Variants in ATPSCKMT observed in about 807,000 individuals in gnomAD.
The protein encoded by ATPSCKMT is ATP synthase subunit C lysine N-methyltransferase.
ATPSCKMT carries 24 observed loss-of-function variants against 24.3 expected under a neutral mutation model. The observed-to-expected ratio is 0.99, with a 90% CI of 0.71 to 1.39. The LOEUF (loss-of-function observed/expected upper bound fraction) is 1.39. ATPSCKMT is among the 40% of genes most tolerant of loss of function. The pLI, the probability that ATPSCKMT is intolerant of heterozygous loss-of-function variation, is 0.00. For missense variants in ATPSCKMT, 311 were observed against 298.4 expected (o/e 1.04, Z -0.31); for synonymous variants, 95 against 110.5 (o/e 0.86, Z 0.88).
At position 10,232,463 on chromosome 5, in the gene ATPSCKMT, C is replaced by G. The variant is rs1051666954; in HGVS notation, c.495+2748G>C. On this transcript the variant is annotated intron_variant, in intron 4 of 4. Coordinates refer to ENST00000511437, the MANE Select transcript of ATPSCKMT (RefSeq NM_199133.4). ...GTGCACACAGCTAGCAGTGTCGAAG[C>G]CTTCAGACAAAGAAATGCACAATAA... Among the ~76,000 whole-genome samples, 186 of 152,326 alleles carry G rather than the reference C, an allele frequency of 1.2e-3. 1 individual carries two copies. The highest frequency in any genetic ancestry group is 4.2e-3 in the African/African-American group (173 of 41,564).
In ATPSCKMT at chr5:10,225,810, A is replaced by G. The variant is rs140609613; in HGVS notation, c.*1631T>C. Among the ~76,000 whole-genome samples the G allele has an allele frequency of 6.6e-6, 1 of 152,202 alleles. No homozygotes were observed. Among genetic ancestry groups the G allele is most frequent in the Admixed American group, 6.5e-5 (1 of 15,290 alleles). ...CCAGGAACACTTCTAGAAAATGTTG[A>G]ACACCTCCGAGGCCCCACAGAACCC... On this transcript the variant is annotated 3_prime_UTR_variant, in exon 5 of 5. Transcript: ENST00000511437.
At chr5:10,249,762 G>A in intron 1 of ATPSCKMT, 96 bp downstream of exon 1, 3 of 1,482,386 alleles carry the variant, frequency 2.0e-6, no homozygotes, top group Non-Finnish European at 2.7e-6. Flanking sequence ...CCCGGTCACC[G>A]CCTCGACAGT....
chr5:10,235,797 G>T (rs985521238), intron 3 of ATPSCKMT, among the ~76,000 whole-genome samples: 1 of 152,144 alleles, frequency 6.6e-6, no homozygotes, highest in African/African-American at 2.4e-5. Flanking sequence ...AATGTGCTTT[G>T]CCAGTTAAAA....
At chr5:10,249,505 G>T in intron 1 of ATPSCKMT, 1 of 306,878 alleles carries the variant, frequency 3.3e-6, no homozygotes, top group Non-Finnish European at 5.9e-6. Context: ...AAGAAGTTAA[G>T]GGATTTCCTC....
intron 4 of ATPSCKMT, among the ~76,000 whole-genome samples, chr5:10,231,742 G>C (rs1744148378): frequency 6.6e-6 from 1 of 152,142 alleles, no homozygotes; most frequent in South Asian, 2.1e-4. Flanking sequence ...TGAGCACCTG[G>C]GGCAGGTGTG....
rs1452310052 is a variant in ATPSCKMT at position 10,239,359 on chromosome 5, A to G, written c.17-3T>C. 6.2e-7 allele frequency: 1 copy of G among 1,602,688 alleles called. No individual in the cohort carries two copies. The highest frequency in any genetic ancestry group is 1.3e-5 in the African/African-American group (1 of 74,466). ...TTTAAGTGTTTCTAGGGGTATACCT[A>G]GATTGAAAGCAAGCAGAAGAGACAC... On this transcript the variant is annotated splice_polypyrimidine_tract_variant and splice_region_variant and intron_variant, in intron 1 of 4. Coordinates refer to ENST00000511437, the MANE Select transcript of ATPSCKMT (RefSeq NM_199133.4).
intron 1 of ATPSCKMT, among the ~76,000 whole-genome samples, chr5:10,242,499 C>T (rs1279479170): frequency 2.6e-5 from 4 of 152,238 alleles, no homozygotes; most frequent in Non-Finnish European, 5.9e-5. Flanking sequence ...ATTTCCACCA[C>T]ATCTGCAGTT....
chr5:10,241,002 A>C (rs1209772593), intron 1 of ATPSCKMT, among the ~76,000 whole-genome samples: 1 of 151,734 alleles, frequency 6.6e-6, no homozygotes, highest in Non-Finnish European at 1.5e-5. Context: ...ATGTCAAAAA[A>C]AAAAAAAAAG....
intron 2 of ATPSCKMT, among the ~76,000 whole-genome samples, chr5:10,238,254 G>A (rs1051877391): frequency 1.3e-4 from 19 of 151,932 alleles, no homozygotes; most frequent in African/African-American, 4.3e-4. Flanking sequence ...TAAACACTAC[G>A]GTATGTGTAT....
intron 2 of ATPSCKMT, 140 bp from the exon 3 acceptor site, chr5:10,236,755 T>C (rs1744393810): frequency 9.6e-6 from 14 of 1,459,412 alleles, no homozygotes; most frequent in African/African-American, 1.4e-5. Flanking sequence ...TTTTAAAATG[T>C]GTCTCTAAAG....
chr5:10,239,177 C>G lies in ATPSCKMT; in HGVS notation c.196G>C (p.Val66Leu). The change falls in exon 2 of 5, where the codon GTC (valine) becomes CTC (leucine). Residue 66 changes from valine to leucine, a missense_variant. Transcript: ENST00000511437. ...TPFVTPALRKVCLPFVPATTK... is the reference protein window; with the variant it reads ...TPFVTPALRKLCLPFVPATTK... ...GTTGCAGGTACAAACGGCAAACAGA[C>G]TTTTCGAAGGGCTGGCGTTACAAAC... 6.2e-7 allele frequency: 1 copy of G among 1,614,174 alleles called. No individual in the cohort carries two copies. Among genetic ancestry groups the G allele is most frequent in the East Asian group, 2.2e-5 (1 of 44,894 alleles).
At chr5:10,244,234 T>C (rs574258963) in intron 1 of ATPSCKMT, among the ~76,000 whole-genome samples, 2 of 152,314 alleles carry the variant, frequency 1.3e-5, no homozygotes, top group South Asian at 4.1e-4. Flanking sequence ...CAAAAATCCC[T>C]GATCATAGAT....
chr5:10,234,958 A>T (rs1744308587), intron 4 of ATPSCKMT, among the ~76,000 whole-genome samples: 1 of 152,244 alleles, frequency 6.6e-6, no homozygotes, highest in African/African-American at 2.4e-5. Flanking sequence ...CAGTTTCCAA[A>T]CTGGAATGTT....
chr5:10,228,394 T>C (rs1249102804), intron 4 of ATPSCKMT, among the ~76,000 whole-genome samples: 1 of 152,238 alleles, frequency 6.6e-6, no homozygotes, highest in African/African-American at 2.4e-5. Flanking sequence ...AATGAATTTC[T>C]TGATAGCCTA....
chr5:10,242,503 T>C (rs7701684), intron 1 of ATPSCKMT, among the ~76,000 whole-genome samples: 79,555 of 152,064 alleles, frequency 0.52, 22,530 homozygotes, highest in Non-Finnish European at 0.64. Flanking sequence ...CCACCACATC[T>C]GCAGTTACTT....
chr5:10,238,050 T>C (rs1159514356), intron 2 of ATPSCKMT, among the ~76,000 whole-genome samples: 2 of 152,194 alleles, frequency 1.3e-5, no homozygotes, highest in African/African-American at 4.8e-5. Flanking sequence ...TGGCCACTAA[T>C]AAATTTCTTA....
At chr5:10,230,551 G>A (rs1233821438) in intron 4 of ATPSCKMT, among the ~76,000 whole-genome samples, 2 of 152,100 alleles carry the variant, frequency 1.3e-5, no homozygotes, top group African/African-American at 4.8e-5. Context: ...AATGAATCTG[G>A]TGCTTGATAT....
In ATPSCKMT at chr5:10,226,934, G is replaced by A. The variant is rs1743906273; in HGVS notation, c.*507C>T. ...TTCCATAAAATACAGTAATCTAGTG[G>A]TGGAACAAATTATTTCTAATAAATG... On this transcript the variant is annotated 3_prime_UTR_variant, in exon 5 of 5. Transcript: ENST00000511437. The A allele has an allele frequency of 6.3e-6, 1 of 159,240 alleles. No homozygotes were observed. The highest frequency in any genetic ancestry group is 2.4e-5 in the African/African-American group (1 of 41,470). The allele number at this position is 159,240 out of a possible 1,614,324, so 9.9% of individuals were successfully genotyped here.
intron 1 of ATPSCKMT, among the ~76,000 whole-genome samples, chr5:10,245,823 A>C (rs4702684): frequency 0.35 from 52,719 of 151,874 alleles, 10,086 homozygotes; most frequent in East Asian, 0.73. Context: ...TAAACAAAGC[A>C]TTTAGCACAA....
Sources: gnomAD v4.1 joint callset for allele counts (sites outside exome capture counted in the v4.1 genomes callset) on GRCh38, gnomAD v4.1.1 for gene constraint, MANE v1.5 for transcripts, NCBI Gene and HGNC (gene_info 2026-07-23, HGNC 2026-07-21) for gene names.